TMEM132B: variants seen among roughly 807,000 people sequenced by gnomAD.
TMEM132B encodes transmembrane protein 132B.
TMEM132B carries 18 observed loss-of-function variants against 90.8 expected under a neutral mutation model. The observed-to-expected ratio is 0.20, with a 90% CI of 0.14 to 0.29. The LOEUF is 0.29. Ranked by LOEUF, TMEM132B falls within the 10% of genes least tolerant of loss-of-function variation. The probability of loss-of-function intolerance (pLI) is 1.00; values close to 1 mark genes in which losing one functional copy is unlikely to be tolerated. For missense variants in TMEM132B, 1,096 were observed against 1,326.8 expected (o/e 0.83, Z 2.70); for synonymous variants, 504 against 523.3 (o/e 0.96, Z 0.50).
intron 1 of TMEM132B, among the ~76,000 whole-genome samples, chr12:125,247,463 C>G (rs949555091): frequency 6.6e-6 from 1 of 152,174 alleles, no homozygotes; most frequent in Non-Finnish European, 1.5e-5. Flanking sequence ...CCAGGCCACT[C>G]CCGTCTGTAC....
intron 1 of TMEM132B, among the ~76,000 whole-genome samples, chr12:125,338,144 A>G (rs140450101): frequency 1.3e-5 from 2 of 152,270 alleles, no homozygotes; most frequent in African/African-American, 4.8e-5. Flanking sequence ...TTTCCTACTT[A>G]CTTTGGGCCA....
chr12:125,337,214 G>A (rs1876993846), intron 1 of TMEM132B, among the ~76,000 whole-genome samples: 1 of 152,116 alleles, frequency 6.6e-6, no homozygotes, highest in South Asian at 2.1e-4. Flanking sequence ...AGTAGGGATG[G>A]GACCACTGCT....
chr12:125,574,307 A>G (rs1242564930), intron 4 of TMEM132B, among the ~76,000 whole-genome samples: 2 of 152,126 alleles, frequency 1.3e-5, no homozygotes, highest in Non-Finnish European at 2.9e-5. Context: ...GCTCTCTTGT[A>G]TGAGAGCTAT....
chr12:125,465,236 A>G (rs1490854346), intron 3 of TMEM132B, among the ~76,000 whole-genome samples: 1 of 152,176 alleles, frequency 6.6e-6, no homozygotes. Flanking sequence ...TGTCCTCTCA[A>G]TGATCAGAAA....
intron 3 of TMEM132B, among the ~76,000 whole-genome samples, chr12:125,484,858 G>A (rs1882160809): frequency 6.6e-6 from 1 of 152,012 alleles, no homozygotes; most frequent in African/African-American, 2.4e-5. Flanking sequence ...TTCTACCTTG[G>A]GTTCCCAAAG....
intron 3 of TMEM132B, among the ~76,000 whole-genome samples, chr12:125,416,037 A>G (rs1880001699): frequency 6.6e-6 from 1 of 152,196 alleles, no homozygotes; most frequent in Non-Finnish European, 1.5e-5. Flanking sequence ...GTGCTTAAAT[A>G]TAGTTATTTT....
At chr12:125,260,911 G>A (rs1036099057) in intron 1 of TMEM132B, among the ~76,000 whole-genome samples, 18 of 131,088 alleles carry the variant, frequency 1.4e-4, no homozygotes, top group African/African-American at 5.5e-4. Flanking sequence ...GCGAGACCCT[G>A]TCTCTACAGA....
intron 1 of TMEM132B, among the ~76,000 whole-genome samples, chr12:125,289,331 G>A (rs1875466786): frequency 6.6e-6 from 1 of 152,226 alleles, no homozygotes; most frequent in South Asian, 2.1e-4. Flanking sequence ...GGTGGCACAA[G>A]GCACCCTTCT....
At chr12:125,417,338 C>T (rs570512146) in intron 3 of TMEM132B, among the ~76,000 whole-genome samples, 6 of 152,274 alleles carry the variant, frequency 3.9e-5, no homozygotes, top group East Asian at 1.9e-4. Flanking sequence ...TGCTTTTGCC[C>T]GAGAGGCAGG....
At chr12:125,584,785 C>G (rs1224162351) in intron 5 of TMEM132B, 3 of 152,156 alleles carry the variant, frequency 2.0e-5, no homozygotes, top group Non-Finnish European at 4.4e-5. Flanking sequence ...CCTATTTTTT[C>G]TTAGCACATT....
chr12:125,486,121 T>A (rs1298881230), intron 3 of TMEM132B, among the ~76,000 whole-genome samples: 1 of 152,152 alleles, frequency 6.6e-6, no homozygotes, highest in East Asian at 1.9e-4. Flanking sequence ...TTATGCTGCA[T>A]TCGTCTAAGT....
intron 1 of TMEM132B, among the ~76,000 whole-genome samples, chr12:125,187,254 C>T (rs4073534): frequency 0.22 from 34,055 of 152,118 alleles, 4,865 homozygotes; most frequent in East Asian, 0.44. Context: ...GTCGACGCAG[C>T]CCTTCTCCAG....
At chr12:125,532,518 A>AT (rs35192475) in intron 4 of TMEM132B, among the ~76,000 whole-genome samples, 19,640 of 144,014 alleles carry the variant, frequency 0.14, 1,646 homozygotes, top group East Asian at 0.35. Context: ...AGGAAGCTGT[A>AT]TTTTTTTTTT....
At chr12:125,613,201 T>C (rs1885903741) in intron 5 of TMEM132B, among the ~76,000 whole-genome samples, 1 of 123,930 alleles carries the variant, frequency 8.1e-6, no homozygotes, top group East Asian at 2.2e-4. Flanking sequence ...TATATTTATA[T>C]ATATATTATA....
chr12:125,362,079 A>G (rs1351175356), intron 2 of TMEM132B, among the ~76,000 whole-genome samples: 1 of 152,226 alleles, frequency 6.6e-6, no homozygotes, highest in Non-Finnish European at 1.5e-5. Context: ...ATGAAGAAAC[A>G]GAGCCTCTGC....
chr12:125,546,622 G>A (rs1173993518), intron 4 of TMEM132B, among the ~76,000 whole-genome samples: 3 of 152,184 alleles, frequency 2.0e-5, no homozygotes, highest in African/African-American at 4.8e-5. Context: ...GTGTGTATCA[G>A]TAATTTGTTC....
intron 1 of TMEM132B, among the ~76,000 whole-genome samples, chr12:125,196,027 G>C (rs989298939): frequency 1.3e-5 from 2 of 152,214 alleles, no homozygotes; most frequent in Non-Finnish European, 2.9e-5. Context: ...TGGCAGGTTA[G>C]AGCCGAGGAG....
intron 3 of TMEM132B, among the ~76,000 whole-genome samples, chr12:125,429,443 T>C (rs1021689254): frequency 6.6e-6 from 1 of 152,118 alleles, no homozygotes; most frequent in Non-Finnish European, 1.5e-5. Flanking sequence ...TGACCTCAGG[T>C]GATCCGCCTG....
At chr12:125,210,355 T>C (rs1192036541) in intron 1 of TMEM132B, among the ~76,000 whole-genome samples, 1 of 152,152 alleles carries the variant, frequency 6.6e-6, no homozygotes, top group Non-Finnish European at 1.5e-5. Context: ...GCAGAGCTGC[T>C]GTGGGGGCCA....
Sources: allele counts gnomAD v4.1 joint callset (sites outside exome capture counted in the v4.1 genomes callset), GRCh38; gene constraint gnomAD v4.1.1; transcripts MANE v1.5; gene names NCBI Gene and HGNC (gene_info 2026-07-23, HGNC 2026-07-21).